Variants in ARHGAP6 observed in about 807,000 individuals in gnomAD.
ARHGAP6 encodes rho GTPase-activating protein 6.
ARHGAP6 carries 16 observed loss-of-function variants against 55.7 expected under a neutral mutation model. That is an observed-to-expected ratio of 0.29 (90% CI 0.19 to 0.44). ARHGAP6 has a LOEUF of 0.44. Ranked by LOEUF, ARHGAP6 falls within the 20% of genes least tolerant of loss-of-function variation. The pLI is 1.00. For missense variants in ARHGAP6, 698 were observed against 808.9 expected (o/e 0.86, Z 1.66); for synonymous variants, 382 against 360.9 (o/e 1.06, Z -0.66).
intron 2 of ARHGAP6, among the ~76,000 whole-genome samples, chrX:11,205,661 A>G (rs2046694937): frequency 9.0e-6 from 1 of 111,180 alleles, no homozygotes; most frequent in Admixed American, 9.6e-5. Context: ...CCAATTTTCT[A>G]CTGGAGTACC....
chrX:11,406,301 C>T (rs1388251754), intron 1 of ARHGAP6, among the ~76,000 whole-genome samples: 1 of 111,203 alleles, frequency 9.0e-6, no homozygotes, highest in Admixed American at 9.6e-5. Flanking sequence ...CATTGCTGAT[C>T]CCCTGGCAAC....
chrX:11,198,499 T>C (rs912499610), intron 2 of ARHGAP6, among the ~76,000 whole-genome samples: 7 of 112,263 alleles, frequency 6.2e-5, no homozygotes, highest in Admixed American at 4.7e-4. Flanking sequence ...ACAGGTCTTT[T>C]ACTCTGTAAC....
rs1209768493 is a variant in ARHGAP6 at position 11,591,408 on chromosome X, AATT to A, written c.588+72830_588+72832del. Among the ~76,000 whole-genome samples the A allele has an allele frequency of 2.8e-5, 3 of 108,675 alleles. No individual in the cohort carries two copies. In the East Asian group the frequency reaches 8.4e-4, roughly 30 times the overall value. The allele number at this position is 108,675 out of a possible 115,157, so 94.4% of individuals were successfully genotyped here. A position where few individuals can be genotyped will look rare whatever the true frequency, so the allele number is the denominator to read the frequency against. On this transcript the variant is annotated intron_variant, in intron 1 of 12. Transcript: ENST00000337414. ...TAATTAAATAATTATTTAATTATAT[AATT>A]ATTAATTTAAAGCCTCTATTATTAA...
intron 1 of ARHGAP6, among the ~76,000 whole-genome samples, chrX:11,307,481 T>C (rs1428864709): frequency 8.9e-6 from 1 of 112,094 alleles, no homozygotes; most frequent in Admixed American, 9.4e-5. Context: ...GGGTCCTGAC[T>C]AGGGAAGGAA....
chrX:11,529,845 G>C (rs2051029659), intron 1 of ARHGAP6, among the ~76,000 whole-genome samples: 2 of 111,617 alleles, frequency 1.8e-5, no homozygotes. Context: ...TTAGTACACA[G>C]GCCATCAACA....
chrX:11,552,902 G>A (rs1236433173), intron 1 of ARHGAP6, among the ~76,000 whole-genome samples: 1 of 108,915 alleles, frequency 9.2e-6, no homozygotes, highest in Non-Finnish European at 1.9e-5. Flanking sequence ...GAGCTCTATG[G>A]TACAACATGG....
intron 1 of ARHGAP6, among the ~76,000 whole-genome samples, chrX:11,312,817 C>T (rs769666497): frequency 9.0e-6 from 1 of 111,402 alleles, no homozygotes; most frequent in Admixed American, 9.6e-5. Context: ...TTACCAACTT[C>T]TGTCAACTCT....
At chrX:11,382,581 C>T (rs1016494186) in intron 1 of ARHGAP6, among the ~76,000 whole-genome samples, 43 of 111,528 alleles carry the variant, frequency 3.9e-4, no homozygotes, top group African/African-American at 1.2e-3. Flanking sequence ...TTTTGTCTAT[C>T]GTTGCAACTT....
At chrX:11,186,151 A>C in intron 5 of ARHGAP6, 85 bp downstream of exon 5, 1 of 894,294 alleles carries the variant, frequency 1.1e-6, no homozygotes, top group East Asian at 3.1e-5. Context: ...TCATTTGATC[A>C]AGCAGAATTG....
intron 1 of ARHGAP6, among the ~76,000 whole-genome samples, chrX:11,366,875 C>T (rs968501683): frequency 8.9e-6 from 1 of 111,757 alleles, no homozygotes; most frequent in East Asian, 2.8e-4. Context: ...GCCTAAGCCA[C>T]AGAATTGATA....
intron 1 of ARHGAP6, among the ~76,000 whole-genome samples, chrX:11,321,822 C>T (rs1233044608): frequency 4.5e-5 from 5 of 111,961 alleles, no homozygotes; most frequent in Non-Finnish European, 7.5e-5. Context: ...TAATATACAC[C>T]TACTATGTAC....
chrX:11,305,163 T>C (rs2048224597), intron 1 of ARHGAP6, among the ~76,000 whole-genome samples: 1 of 111,062 alleles, frequency 9.0e-6, no homozygotes, highest in Admixed American at 9.6e-5. Flanking sequence ...TTTGGCAATG[T>C]CTGGAGTCAC....
chrX:11,488,581 C>G (rs1348397714), intron 1 of ARHGAP6, among the ~76,000 whole-genome samples: 2 of 110,649 alleles, frequency 1.8e-5, no homozygotes, highest in Non-Finnish European at 3.8e-5. Flanking sequence ...CAGTCCATGG[C>G]CTGGTACTGG....
At chrX:11,352,329 C>T (rs1025584263) in intron 1 of ARHGAP6, among the ~76,000 whole-genome samples, 1 of 111,962 alleles carries the variant, frequency 8.9e-6, no homozygotes, top group Non-Finnish European at 1.9e-5. Flanking sequence ...AAGATATTCA[C>T]TGCCTGGGAG....
At chrX:11,515,481 C>G (rs760043487) in intron 1 of ARHGAP6, among the ~76,000 whole-genome samples, 1 of 109,138 alleles carries the variant, frequency 9.2e-6, no homozygotes, top group African/African-American at 3.4e-5. Context: ...TACTGGAGCA[C>G]ATAACTATAC....
intron 1 of ARHGAP6, among the ~76,000 whole-genome samples, chrX:11,299,407 GA>G (rs1456864389): frequency 8.9e-6 from 1 of 111,842 alleles, no homozygotes; most frequent in Non-Finnish European, 1.9e-5. Context: ...GCAAATATCT[GA>G]ACAGGCTACA....
At chrX:11,261,095 C>T (rs1448165491) in intron 1 of ARHGAP6, among the ~76,000 whole-genome samples, 1 of 111,673 alleles carries the variant, frequency 9.0e-6, no homozygotes, top group Non-Finnish European at 1.9e-5. Flanking sequence ...AATTGGAAAC[C>T]TAACCAACCC....
chrX:11,174,992 G>A (rs759645666), intron 8 of ARHGAP6, among the ~76,000 whole-genome samples: 12 of 109,766 alleles, frequency 1.1e-4, no homozygotes, highest in Non-Finnish European at 2.1e-4. Flanking sequence ...CGCCTGGCCC[G>A]CCAAGGCCAT....
intron 2 of ARHGAP6, among the ~76,000 whole-genome samples, chrX:11,246,378 GGTT>G (rs1331349570): frequency 4.5e-5 from 5 of 111,959 alleles, no homozygotes; most frequent in Admixed American, 1.9e-4. Flanking sequence ...GAAGTGTTGA[GGTT>G]GTTTTAAAAT....
Sources: allele counts gnomAD v4.1 joint callset (sites outside exome capture counted in the v4.1 genomes callset), GRCh38; gene constraint gnomAD v4.1.1; transcripts MANE v1.5; gene names NCBI Gene and HGNC (gene_info 2026-07-23, HGNC 2026-07-21).